Variants in SUGP1 observed in about 807,000 individuals in gnomAD.
SUGP1 encodes SURP and G-patch domain-containing protein 1.
Under a neutral mutation model 76.5 loss-of-function variants are expected in SUGP1, and 34 were observed. The ratio of observed to expected loss-of-function variants is 0.44; its 90% confidence interval spans 0.34 to 0.59. The LOEUF is 0.59. Among genes scored for constraint, SUGP1 ranks in the 20% least tolerant of loss-of-function variants. SUGP1 has a pLI of 0.01. For missense variants in SUGP1, 752 were observed against 851.7 expected, an observed-to-expected ratio of 0.88 and a Z score of 1.46; for synonymous variants, 326 against 326.2, an observed-to-expected ratio of 1.00 and a Z score of 0.01.
At chr19:19,284,675 G>A (rs995882192) in intron 8 of SUGP1, among the ~76,000 whole-genome samples, 1 of 152,160 alleles carries the variant, frequency 6.6e-6, no homozygotes, top group Non-Finnish European at 1.5e-5. Flanking sequence ...TAGAACAAAA[G>A]CAAGGCGAAG....
At chr19:19,291,934 A>ACACACACAC (rs1555788756) in intron 8 of SUGP1, among the ~76,000 whole-genome samples, 34 of 98,012 alleles carry the variant, frequency 3.5e-4, no homozygotes, top group Non-Finnish European at 4.6e-4. Flanking sequence ...CACACACACA[A>ACACACACAC]AAGGGCCAAG....
At position 19,279,239 on chromosome 19, in the gene SUGP1, C is replaced by A; in HGVS notation, c.1502G>T (p.Arg501Leu). The A allele has an allele frequency of 6.2e-7, 1 of 1,609,692 alleles. No individual in the cohort carries two copies. ...SELGTWEHQL[R>L]RMEMDKTREW... ...CCTGGTCTTATCCATCTCCATGCGCCGCAGCTGGTGCTCCCAGGTGCCCAG... is the reference window on the plus strand; with the variant it reads ...CCTGGTCTTATCCATCTCCATGCGCAGCAGCTGGTGCTCCCAGGTGCCCAG... Residue 501 changes from arginine (R) to leucine (L), a missense_variant, in exon 10 of 14, where the codon CGG (arginine) becomes CTG (leucine). Arg to Leu is a moderately radical substitution (Grantham distance 102, BLOSUM62 -2). Around this residue, in one of 2 missense-constraint regions of SUGP1, gnomAD observed 132 missense variants for 234.4 expected, o/e 0.56. Coordinates refer to ENST00000247001, the MANE Select transcript of SUGP1 (RefSeq NM_172231.4).
At chr19:19,299,786 A>AT (rs912043743) in intron 7 of SUGP1, among the ~76,000 whole-genome samples, 57 of 143,946 alleles carry the variant, frequency 4.0e-4, no homozygotes, top group African/African-American at 8.4e-4. Flanking sequence ...CCAGCTTTTC[A>AT]TTTTTTTTTT....
In SUGP1 at chr19:19,277,143, C is replaced by A. The variant is rs375966102; in HGVS notation, c.1782-67G>T. The A allele has an allele frequency of 6.5e-6, 10 of 1,536,416 alleles. No individual in the cohort carries two copies. In the African/African-American group the frequency reaches 1.4e-4, roughly 21 times the overall value. ...ACTCTGGCCGGGGGGCCGGGCACAG[C>A]TGGGCTCTCAACAGCACCTCCCGCG... is the stretch of plus-strand genomic sequence containing the variant. On this transcript the variant is annotated intron_variant, in intron 12 of 13. Coordinates refer to ENST00000247001, the MANE Select transcript of SUGP1 (RefSeq NM_172231.4).
At chr19:19,277,359 A>G (rs1365924237) in intron 12 of SUGP1, among the ~76,000 whole-genome samples, 1 of 151,972 alleles carries the variant, frequency 6.6e-6, no homozygotes, top group African/African-American at 2.4e-5. Flanking sequence ...GACAGCCTTG[A>G]AGGGGGCACT....
At position 19,297,327 on chromosome 19, in the gene SUGP1, T is replaced by C. The variant is rs781194243; in HGVS notation, c.905A>G (p.Asn302Ser). 6 of 1,519,716 alleles carry C rather than the reference T, an allele frequency of 3.9e-6. No homozygotes were observed. Among genetic ancestry groups the C allele is most frequent in the Non-Finnish European group, 5.3e-6 (6 of 1,130,728 alleles). The allele number at this position is 1,519,716 out of a possible 1,614,324, so 94.1% of individuals were successfully genotyped here. ...NQAFSFLYEPNSQGYKYYRQK... is the reference protein window; with the variant it reads ...NQAFSFLYEPSSQGYKYYRQK... Reference sequence around the variant, plus strand: ...TCGGTAGTACTTGTACCCTTGGCTATTGGGCTCATACAGAAAGCTGCAAAG... The same window carrying C: ...TCGGTAGTACTTGTACCCTTGGCTACTGGGCTCATACAGAAAGCTGCAAAG... The change falls in exon 8 of 14, where the codon AAT becomes AGT. Residue 302 changes from asparagine to serine, a missense_variant. Asn to Ser is a conservative substitution (Grantham distance 46). Coordinates refer to ENST00000247001, the MANE Select transcript of SUGP1 (RefSeq NM_172231.4).
chr19:19,307,793 T>C (rs755830505), intron 3 of SUGP1, among the ~76,000 whole-genome samples: 3 of 152,080 alleles, frequency 2.0e-5, no homozygotes, highest in Non-Finnish European at 4.4e-5. Flanking sequence ...GCCTCCCAAG[T>C]AGCTGGGATT....
intron 2 of SUGP1, among the ~76,000 whole-genome samples, chr19:19,313,236 A>T (rs2061365570): frequency 6.6e-6 from 1 of 151,876 alleles, no homozygotes; most frequent in African/African-American, 2.4e-5. Flanking sequence ...TCTACTAAAA[A>T]TACAAAAAAT....
chr19:19,282,729 C>T (rs573884898), intron 8 of SUGP1, among the ~76,000 whole-genome samples: 2 of 151,924 alleles, frequency 1.3e-5, no homozygotes, highest in South Asian at 2.1e-4. Context: ...TGCAACAATT[C>T]GAAAAAAGTC....
chr19:19,304,008 AG>A, intron 4 of SUGP1, 161 bp from the exon 5 acceptor site: 3 of 1,591,170 alleles, frequency 1.9e-6, no homozygotes, highest in South Asian at 1.1e-5. Context: ...CACCATGACG[AG>A]GGGGGAGTCG....
intron 7 of SUGP1, among the ~76,000 whole-genome samples, chr19:19,299,712 T>C (rs962346759): frequency 2.6e-5 from 4 of 151,740 alleles, no homozygotes; most frequent in African/African-American, 9.7e-5. Flanking sequence ...TGATGCTCTA[T>C]TGACATGATT....
At chr19:19,307,755 C>T (rs1348485612) in intron 3 of SUGP1, among the ~76,000 whole-genome samples, 1 of 151,822 alleles carries the variant, frequency 6.6e-6, no homozygotes, top group African/African-American at 2.4e-5. Flanking sequence ...CTGGTTGCCT[C>T]CCAGGTTCGT....
intron 10 of SUGP1, 33 bp downstream of exon 10, chr19:19,279,180 G>GGCC: frequency 1.5e-5 from 23 of 1,517,902 alleles, no homozygotes; most frequent in Non-Finnish European, 1.8e-5. Context: ...GCCATGCCCA[G>GGCC]CCCAGCCCGG....
intron 4 of SUGP1, 185 bp from the exon 5 acceptor site, chr19:19,304,032 T>C: frequency 3.2e-6 from 5 of 1,577,064 alleles, no homozygotes; most frequent in Non-Finnish European, 4.3e-6. Context: ...CTCACTGTCT[T>C]GGTGAGACAC....
intron 3 of SUGP1, among the ~76,000 whole-genome samples, chr19:19,307,343 C>T (rs1156246836): frequency 2.6e-5 from 4 of 152,232 alleles, no homozygotes; most frequent in Middle Eastern, 3.4e-3. Flanking sequence ...AGCCACCATG[C>T]CTGGCAGGGG....
intron 4 of SUGP1, chr19:19,304,164 GT>G (rs2061296765): frequency 1.5e-6 from 1 of 682,080 alleles, no homozygotes; most frequent in Non-Finnish European, 2.3e-6. Context: ...TTCTTTACCA[GT>G]TTTCAGCATA....
At chr19:19,320,395 A>G in intron 1 of SUGP1, 68 bp downstream of exon 1, 1 of 1,551,462 alleles carries the variant, frequency 6.4e-7, no homozygotes, top group Admixed American at 1.8e-5. Context: ...GACGGACCCG[A>G]GGAGTCAGGG....
rs555927493 is a variant in SUGP1, at chr19:19,276,588, C to T, written c.*60G>A. On this transcript the variant is annotated 3_prime_UTR_variant, in exon 14 of 14. Coordinates refer to ENST00000247001, the MANE Select transcript of SUGP1 (RefSeq NM_172231.4). The stretch of plus-strand genomic sequence containing the variant: ...GGAAGGGGTGGGCAGAAATGCAGGC[C>T]GGAACATTCCACAGTCCAGGGACGG... The T allele has an allele frequency of 4.5e-5, 72 of 1,606,712 alleles. No homozygotes were observed. The highest frequency in any genetic ancestry group is 1.6e-4 in the African/African-American group (12 of 74,862).
In SUGP1 at chr19:19,285,636, G is replaced by A. The variant is rs112252836; in HGVS notation, c.1244-5345C>T. Among the ~76,000 whole-genome samples, 872 of 152,182 alleles carry A rather than the reference G, an allele frequency of 5.7e-3. 6 individuals carry two copies. The highest frequency in any genetic ancestry group is 0.02 in the African/African-American group (833 of 41,508). On this transcript the variant is annotated intron_variant, in intron 8 of 13. Transcript: ENST00000247001. ...GCTGGAGTGCAATGGCGTGAACATG[G>A]CTCACTGCAGCCTCAATCTCCCAGG...
Sources: gnomAD v4.1 joint callset for allele counts (sites outside exome capture counted in the v4.1 genomes callset) on GRCh38, gnomAD v4.1.1 for gene constraint, gnomAD v4.1.1 regional missense constraint, MANE v1.5 for transcripts, NCBI Gene and HGNC (gene_info 2026-07-23, HGNC 2026-07-21) for gene names.